Variants in USP34 observed in about 807,000 individuals in gnomAD.
USP34 encodes ubiquitin specific peptidase 34.
A neutral mutation model predicts 460.3 loss-of-function variants in USP34; 70 were observed. The ratio of observed to expected loss-of-function variants is 0.15; its 90% CI spans 0.13 to 0.19. USP34 has a LOEUF of 0.19. USP34 is among the 10% of genes least tolerant of loss of function. USP34 has a pLI of 1.00. For synonymous variants in USP34, 1,647 were observed against 1,405.3 expected (o/e 1.17, Z -3.85); for missense variants, 3,985 against 4,236.2 (o/e 0.94, Z 1.65).
chr2:61,316,451 GGT>G, intron 23 of USP34, among the ~76,000 whole-genome samples: 1 of 151,892 alleles, frequency 6.6e-6, no homozygotes, highest in Non-Finnish European at 1.5e-5. Context: ...TGGGCGTGGT[GGT>G]GCATGCCTGT....
intron 1 of USP34, among the ~76,000 whole-genome samples, chr2:61,467,569 C>T (rs898747651): frequency 1.4e-5 from 2 of 147,928 alleles, no homozygotes; most frequent in Admixed American, 6.8e-5. Flanking sequence ...TACAGGGTGT[C>T]GTATTTAAAG....
Position 61,395,839 on chromosome 2 carries a change from G to A in USP34, c.553-606C>T, listed in dbSNP as rs150826962. Among the ~76,000 whole-genome samples the A allele has an allele frequency of 7.1e-3, 1,081 of 151,260 alleles. 13 individuals are homozygous for A. The highest frequency in any genetic ancestry group is 0.025 in the African/African-American group (1,027 of 41,222). On this transcript the variant is annotated intron_variant, in intron 3 of 79. Coordinates refer to ENST00000398571, the MANE Select transcript of USP34 (RefSeq NM_014709.4). ...CCAGCACTTTGGGAGGCCGAGGCGGGTGGATCACCTGAGGTCAGGAGATCA... is the reference window on the plus strand; with the variant it reads ...CCAGCACTTTGGGAGGCCGAGGCGGATGGATCACCTGAGGTCAGGAGATCA...
At chr2:61,460,150 A>C (rs1188009761) in intron 1 of USP34, among the ~76,000 whole-genome samples, 1 of 152,202 alleles carries the variant, frequency 6.6e-6, no homozygotes, top group South Asian at 2.1e-4. Flanking sequence ...AGAAATTACA[A>C]TAGTCTCCCT....
intron 1 of USP34, among the ~76,000 whole-genome samples, chr2:61,458,887 G>A (rs954483131): frequency 6.6e-6 from 1 of 151,882 alleles, no homozygotes; most frequent in African/African-American, 2.4e-5. Flanking sequence ...TCAACATGGT[G>A]AAACCCCATT....
chr2:61,292,238 A>C (rs975094226), intron 33 of USP34, among the ~76,000 whole-genome samples: 4 of 151,872 alleles, frequency 2.6e-5, no homozygotes, highest in African/African-American at 4.9e-5. Flanking sequence ...AACTCATTTG[A>C]AAAGGAAAAA....
chr2:61,268,438 T>TA (rs35618230), intron 41 of USP34, among the ~76,000 whole-genome samples: 6,095 of 53,414 alleles, frequency 0.11, 464 homozygotes, highest in Admixed American at 0.14. Context: ...GAGCTGTTGT[T>TA]AAAAAAAAAA....
intron 32 of USP34, 47 bp from the exon 33 acceptor site, chr2:61,293,597 AT>A: frequency 7.2e-7 from 1 of 1,392,818 alleles, no homozygotes; most frequent in Non-Finnish European, 1.0e-6. Context: ...CAGATATATA[AT>A]GCAATAATGC....
intron 10 of USP34, among the ~76,000 whole-genome samples, chr2:61,356,586 T>G (rs1451223543): frequency 6.6e-6 from 1 of 152,070 alleles, no homozygotes; most frequent in African/African-American, 2.4e-5. Flanking sequence ...TTGAAGAGAT[T>G]AGGCTAAGTG....
At chr2:61,319,101 C>G in intron 22 of USP34, 72 bp downstream of exon 22, 2 of 1,395,390 alleles carry the variant, frequency 1.4e-6, no homozygotes, top group South Asian at 3.0e-5. Flanking sequence ...AAAGGCATTA[C>G]AGAATTCGTA....
chr2:61,437,501 C>G (rs377507777), intron 1 of USP34, among the ~76,000 whole-genome samples: 30 of 152,066 alleles, frequency 2.0e-4, no homozygotes, highest in African/African-American at 6.3e-4. Flanking sequence ...CTGCCAGGCA[C>G]GGTGGCTCAT....
At chr2:61,354,271 A>G (rs951392571) in intron 10 of USP34, among the ~76,000 whole-genome samples, 1 of 152,194 alleles carries the variant, frequency 6.6e-6, no homozygotes. Flanking sequence ...CTTGTCACAT[A>G]TAAGAGATCC....
intron 62 of USP34, 160 bp downstream of exon 62, chr2:61,226,907 A>T: frequency 1.2e-6 from 1 of 856,184 alleles, no homozygotes; most frequent in Non-Finnish European, 1.7e-6. Flanking sequence ...GATGAATAGT[A>T]GTATTATTTA....
chr2:61,466,916 A>T (rs1695780994), intron 1 of USP34, among the ~76,000 whole-genome samples: 1 of 151,950 alleles, frequency 6.6e-6, no homozygotes, highest in South Asian at 2.1e-4. Context: ...AAAAAAAAAA[A>T]AATTTATTAC....
At chr2:61,283,643 G>A (rs973735517) in intron 35 of USP34, among the ~76,000 whole-genome samples, 194 bp from the exon 36 acceptor site, 3 of 152,008 alleles carry the variant, frequency 2.0e-5, no homozygotes, top group African/African-American at 7.3e-5. Flanking sequence ...AGGAGACAGG[G>A]TCTCACTCTG....
chr2:61,230,957 C>T (rs1441877783), intron 58 of USP34, among the ~76,000 whole-genome samples: 2 of 151,844 alleles, frequency 1.3e-5, no homozygotes, highest in Non-Finnish European at 2.9e-5. Context: ...AAGTTCCTAA[C>T]AGCATTACTA....
rs1484617305 is a variant in USP34, at chr2:61,266,225, T to C, written c.5434-58A>G. 2.7e-6 allele frequency: 4 copies of C among 1,476,862 alleles called. No individual in the cohort carries two copies. The East Asian group carries it at 6.9e-5, about 26-fold the overall frequency. 91.5% of individuals were successfully genotyped at this position (1,476,862 alleles called of 1,614,324 possible). A position where few individuals can be genotyped will look rare whatever the true frequency, so the allele number is the denominator to read the frequency against. On this transcript the variant is annotated intron_variant, in intron 41 of 79. Coordinates refer to ENST00000398571, the MANE Select transcript of USP34 (RefSeq NM_014709.4). ...TGAGATATTAATTACATTCCAAATA[T>C]AGTTAACATATACACAGGATGACAG...
At position 61,368,828 on chromosome 2, in the gene USP34, T is replaced by C. The variant is rs116073276; in HGVS notation, c.1251+1493A>G. Among the ~76,000 whole-genome samples, 501 of 152,188 alleles carry C rather than the reference T, an allele frequency of 3.3e-3. 2 individuals carry two copies. The highest frequency in any genetic ancestry group is 0.012 in the African/African-American group (494 of 41,524). ...GCATTTCAAACCAAGATACAAAATC[T>C]ACAGACCATAAAAACTACAACCACA... On this transcript the variant is annotated intron_variant, in intron 10 of 79. Transcript: ENST00000398571.
intron 1 of USP34, among the ~76,000 whole-genome samples, chr2:61,461,320 G>A (rs965251883): frequency 1.3e-5 from 2 of 151,644 alleles, no homozygotes; most frequent in African/African-American, 4.9e-5. Flanking sequence ...TTGAACCTGG[G>A]AGGCAGAGGT....
At chr2:61,232,982 C>G (rs1009353125) in intron 57 of USP34, among the ~76,000 whole-genome samples, 8 of 149,368 alleles carry the variant, frequency 5.4e-5, no homozygotes, top group Non-Finnish European at 1.2e-4. Context: ...TGATTCTCCT[C>G]CCGAGTAGCT....
Sources: allele counts gnomAD v4.1 joint callset (sites outside exome capture counted in the v4.1 genomes callset), GRCh38; gene constraint gnomAD v4.1.1; transcripts MANE v1.5; gene names NCBI Gene and HGNC (gene_info 2026-07-23, HGNC 2026-07-21).